The following KIR2DL1 variants were observed in gnomAD, a reference collection of about 807,000 sequenced individuals.
The protein encoded by KIR2DL1 is killer cell immunoglobulin-like receptor 2DL1.
A neutral mutation model predicts 33.9 loss-of-function variants in KIR2DL1; 38 were observed. The ratio of observed to expected loss-of-function variants is 1.12; its 90% CI spans 0.86 to 1.47. The LOEUF (loss-of-function observed/expected upper bound fraction) is 1.47. Among genes scored for constraint, KIR2DL1 ranks in the 40% most tolerant of loss-of-function variants. The pLI is 0.00. For synonymous variants in KIR2DL1, 179 were observed against 165.9 expected (o/e 1.08, Z -0.61); for missense variants, 531 against 433.9 (o/e 1.22, Z -1.99).
At position 54,781,696 on chromosome 19, in the gene KIR2DL1, C is replaced by G. The variant is rs535623790; in HGVS notation, c.716-1226C>G. Among the ~76,000 whole-genome samples, 704 of 149,886 alleles carry G rather than the reference C, an allele frequency of 4.7e-3. 2 individuals are homozygous for G. Among genetic ancestry groups the G allele is most frequent in the African/African-American group, 0.016 (673 of 40,938 alleles). ...GAACAGCAGCCTAATATGTGTCTCC[C>G]GAGATCACAAAGAGCAGCAGGTTTC... On this transcript the variant is annotated intron_variant, in intron 5 of 7. Transcript: ENST00000336077.
chr19:54,782,576 T>A (rs2886075), intron 5 of KIR2DL1, among the ~76,000 whole-genome samples: 11 of 151,960 alleles, frequency 7.2e-5, no homozygotes, highest in Non-Finnish European at 1.0e-4. Flanking sequence ...AGGGGGAACT[T>A]GCTAACCCCG....
In KIR2DL1 at chr19:54,783,890, G is replaced by A. The variant is rs1474998267; in HGVS notation, c.*77G>A. ...TCAAAACCGGGTTGCCAGCTCCCAT[G>A]TACCAGCAGCTGGAATCTGAAGGCG... On this transcript the variant is annotated 3_prime_UTR_variant, in exon 8 of 8. Transcript: ENST00000336077. 5.7e-6 allele frequency: 9 copies of A among 1,589,786 alleles called. No homozygotes were observed. The highest frequency in any genetic ancestry group is 3.3e-5 in the South Asian group (3 of 90,570).
At chr19:54,772,551 CA>C (rs1189709122) in intron 2 of KIR2DL1, among the ~76,000 whole-genome samples, 2 of 145,532 alleles carry the variant, frequency 1.4e-5, no homozygotes, top group Non-Finnish European at 3.1e-5. Flanking sequence ...AGAAACAACA[CA>C]AGGATAGCCA....
At chr19:54,775,986 G>T (rs2076286982) in intron 4 of KIR2DL1, among the ~76,000 whole-genome samples, 1 of 146,612 alleles carries the variant, frequency 6.8e-6, no homozygotes. Context: ...CCGCCTCCTG[G>T]GTTCAAGCGA....
At chr19:54,777,890 G>A (rs2076529745) in intron 4 of KIR2DL1, among the ~76,000 whole-genome samples, 1 of 147,970 alleles carries the variant, frequency 6.8e-6, no homozygotes, top group Admixed American at 6.9e-5. Context: ...TCTGCATGTA[G>A]ATGTCCAGGT....
In KIR2DL1 at chr19:54,769,830, C is replaced by G. The variant is rs1339295991; in HGVS notation, c.-21C>G. ...GCTGAGCTGAGCTCGGTCGCGGCTG[C>G]CTGTCTGCTCCGGCAGCACCATGTC... On this transcript the variant is annotated 5_prime_UTR_variant, in exon 1 of 8. Coordinates refer to ENST00000336077, the MANE Select transcript of KIR2DL1 (RefSeq NM_014218.3). 3.8e-6 allele frequency: 6 copies of G among 1,567,232 alleles called. 1 individual carries two copies. The African/African-American group carries it at 4.1e-5, about 11-fold the overall frequency.
In KIR2DL1 at chr19:54,783,756, C is replaced by A. The variant is rs778821930; in HGVS notation, c.990C>A (p.Ile330=). 2.5e-4 allele frequency: 409 copies of A among 1,613,848 alleles called. 10 individuals are homozygous for A. In the East Asian group the frequency reaches 7.4e-3, roughly 29 times the overall value. The change falls in exon 8 of 8, where the codon ATC becomes ATA. Residue 330 remains isoleucine, a synonymous_variant. Transcript: ENST00000336077. ...CCAAGACACCCCCAACAGATATCAT[C>A]GTGTACACGGAACTTCCAAATGCTG... ...QRPKTPPTDI[I]VYTELPNAES... is the part of the protein sequence containing the mutation.
chr19:54,776,100 C>G (rs1429871799), intron 4 of KIR2DL1, among the ~76,000 whole-genome samples: 1 of 145,032 alleles, frequency 6.9e-6, no homozygotes, highest in East Asian at 2.0e-4. Flanking sequence ...CCATGTTGGT[C>G]GAGCTGGTCT....
At chr19:54,774,168 G>T (rs2076072364) in intron 3 of KIR2DL1, among the ~76,000 whole-genome samples, 1 of 148,674 alleles carries the variant, frequency 6.7e-6, no homozygotes, top group African/African-American at 2.5e-5. Context: ...GTGTGAACTT[G>T]TAGTCTCCAG....
intron 3 of KIR2DL1, among the ~76,000 whole-genome samples, 171 bp downstream of exon 3, chr19:54,773,803 G>T (rs1440169251): frequency 2.7e-5 from 4 of 147,966 alleles, no homozygotes; most frequent in African/African-American, 7.4e-5. Context: ...CACAAGTAGA[G>T]ACCAGGTGTC....
intron 2 of KIR2DL1, among the ~76,000 whole-genome samples, chr19:54,772,052 A>G (rs374021335): frequency 0.13 from 19,054 of 145,220 alleles, 1,331 homozygotes; most frequent in South Asian, 0.21. Flanking sequence ...GGGAAGAATA[A>G]TTGTCCCCAG....
Position 54,780,465 on chromosome 19 carries a change from C to A in KIR2DL1, c.715+1803C>A, listed in dbSNP as rs1174425266. Among the ~76,000 whole-genome samples, 4 of 141,320 alleles carry A rather than the reference C, an allele frequency of 2.8e-5. 1 individual carries two copies. The highest frequency in any genetic ancestry group is 5.3e-5 in the African/African-American group (2 of 37,800). The allele number at this position is 141,320 out of a possible 152,430, so 92.7% of individuals were successfully genotyped here. A position where few individuals can be genotyped will look rare whatever the true frequency, so the allele number is the denominator to read the frequency against. On this transcript the variant is annotated intron_variant, in intron 5 of 7. Coordinates refer to ENST00000336077, the MANE Select transcript of KIR2DL1 (RefSeq NM_014218.3). ...GACGACTGTAGAGAGACGGAGAGCA[C>A]ACTGGGTACACAGGAAACTAAGGAG...
intron 5 of KIR2DL1, among the ~76,000 whole-genome samples, chr19:54,780,637 G>C (rs62123000): frequency 0.032 from 3,805 of 117,666 alleles, 45 homozygotes; most frequent in South Asian, 0.056. Context: ...AAAGGCAATT[G>C]CCGCCCCACT....
chr19:54,783,398 G>T lies in KIR2DL1; in HGVS notation c.818-88G>T, dbSNP rs2077267987. 10 of 1,472,344 alleles carry T rather than the reference G, an allele frequency of 6.8e-6. No homozygotes were observed. In the South Asian group the frequency reaches 1.2e-4, roughly 17 times the overall value. The allele number at this position is 1,472,344 out of a possible 1,614,324, so 91.2% of individuals were successfully genotyped here. ...CAACTGAGGGACCTCAGCCACCTAT[G>T]GTCTCCCCCTGTATGTTGGTATCTG... On this transcript the variant is annotated intron_variant, in intron 6 of 7. Transcript: ENST00000336077.
chr19:54,773,626 A>G lies in KIR2DL1; in HGVS notation c.364A>G (p.Ile122Val), dbSNP rs775805421. 21 of 1,571,830 alleles carry G rather than the reference A, an allele frequency of 1.3e-5. 2 individuals carry two copies. The African/African-American group carries it at 2.9e-4, about 21-fold the overall frequency. ...TCCCAGTGACCCTCTGGACATCGTGATCATAGGTGAGAGTGTCCAGACTTT... is the reference window on the plus strand; with the variant it reads ...TCCCAGTGACCCTCTGGACATCGTGGTCATAGGTGAGAGTGTCCAGACTTT... ...SAPSDPLDIV[I>V]IGLYEKPSLS... is the part of the protein sequence containing the mutation. The change falls in exon 3 of 8, where the codon ATC becomes GTC. Residue 122 changes from isoleucine to valine, a missense_variant. Coordinates refer to ENST00000336077, the MANE Select transcript of KIR2DL1 (RefSeq NM_014218.3).
At position 54,782,929 on chromosome 19, in the gene KIR2DL1, C is replaced by A. The variant is rs1158434510; in HGVS notation, c.723C>A (p.Pro241=). Residue 241 remains proline, a synonymous_variant, in exon 6 of 8, where the codon CCC becomes CCA. Coordinates refer to ENST00000336077, the MANE Select transcript of KIR2DL1 (RefSeq NM_014218.3). The part of the protein sequence containing the change: ...PTEPSSKTGN[P]RHLHILIGTS... ...TGTCTCATCTTCTTCCAGGTAACCC[C>A]CGACACCTGCACATTCTGATTGGGA... 8.1e-6 allele frequency: 13 copies of A among 1,613,440 alleles called. No homozygotes were observed. In the African/African-American group the frequency reaches 1.1e-4, roughly 13 times the overall value.
In KIR2DL1 at chr19:54,773,428, G is replaced by T. The variant is rs750705981; in HGVS notation, c.166G>T (p.Glu56Ter). Residue 56 changes from glutamate to a stop codon, truncating the protein, a stop_gained, in exon 3 of 8, where the codon GAA becomes TAA. Coordinates refer to ENST00000336077, the MANE Select transcript of KIR2DL1 (RefSeq NM_014218.3). LOFTEE classifies it high-confidence loss of function. ...ILQCWSDVMFEHFLLHREGMF... is the reference protein window; with the variant it reads ...ILQCWSDVMF ...GCAGTGTTGGTCAGATGTCATGTTT[G>T]AACACTTCCTTCTGCACAGAGAGGG... The T allele has an allele frequency of 3.0e-5, 47 of 1,591,718 alleles. 1 individual carries two copies. In the African/African-American group the frequency reaches 6.0e-4, roughly 20 times the overall value.
chr19:54,776,814 G>GT (rs1192874162), intron 4 of KIR2DL1, among the ~76,000 whole-genome samples: 7 of 130,712 alleles, frequency 5.4e-5, no homozygotes, highest in Non-Finnish European at 6.8e-5. Context: ...CTACTTTTTG[G>GT]TTTTTTTAGT....
chr19:54,775,196 G>A lies in KIR2DL1; in HGVS notation c.402G>A (p.Gln134=), dbSNP rs1348842040. The A allele has an allele frequency of 6.3e-6, 10 of 1,591,758 alleles. 1 individual carries two copies. Among genetic ancestry groups the A allele is most frequent in the African/African-American group, 4.0e-5 (3 of 74,080 alleles). Residue 134 remains glutamine, a synonymous_variant, in exon 4 of 8, where the codon CAG becomes CAA. Transcript: ENST00000336077. ...ATGAGAAACCTTCTCTCTCAGCCCAGCTGGGCCCCACGGTTCTGGCAGGAG... is the reference window on the plus strand; with the variant it reads ...ATGAGAAACCTTCTCTCTCAGCCCAACTGGGCCCCACGGTTCTGGCAGGAG... ...GLYEKPSLSA[Q]LGPTVLAGEN... is the part of the protein sequence containing the mutation.
Sources: gnomAD v4.1 joint callset for allele counts (sites outside exome capture counted in the v4.1 genomes callset) on GRCh38, gnomAD v4.1.1 for gene constraint, MANE v1.5 for transcripts, NCBI Gene and HGNC (gene_info 2026-07-23, HGNC 2026-07-21) for gene names.